The following POLR2G variants were observed in gnomAD, a reference collection of about 807,000 sequenced individuals.
The protein encoded by POLR2G is RNA polymerase II subunit G.
In POLR2G, 19 loss-of-function variants were observed where a neutral mutation model predicts 25.7. The ratio of observed to expected loss-of-function variants is 0.74; its 90% confidence interval spans 0.52 to 1.08. POLR2G has a LOEUF of 1.08. POLR2G is among the 50% of genes least tolerant of loss of function. POLR2G has a pLI of 0.00. For missense variants in POLR2G, 123 were observed against 218.5 expected, an observed-to-expected ratio of 0.56 and a Z score of 2.76; for synonymous variants, 79 against 76.0, an observed-to-expected ratio of 1.04 and a Z score of -0.21.
chr11:62,765,867 A>C (rs1341486444), intron 6 of POLR2G, 143 bp downstream of exon 6: 2 of 619,358 alleles, frequency 3.2e-6, no homozygotes, highest in Non-Finnish European at 5.7e-6. Flanking sequence ...GGCTCACTGC[A>C]AGCTCTGCCT....
At chr11:62,763,772 C>G (rs1010195518) in intron 3 of POLR2G, among the ~76,000 whole-genome samples, 6 of 146,566 alleles carry the variant, frequency 4.1e-5, no homozygotes, top group Non-Finnish European at 9.0e-5. Context: ...GAGACGGAGT[C>G]TAGCTCTGTT....
intron 3 of POLR2G, among the ~76,000 whole-genome samples, chr11:62,764,296 A>G (rs1565182931): frequency 6.6e-6 from 1 of 151,780 alleles, no homozygotes; most frequent in Non-Finnish European, 1.5e-5. Flanking sequence ...CCCCATCTCT[A>G]CTAAAAATAC....
intron 5 of POLR2G, 39 bp downstream of exon 5, chr11:62,765,444 A>G (rs761650930): frequency 1.3e-6 from 2 of 1,533,772 alleles, no homozygotes; most frequent in Non-Finnish European, 1.8e-6. Context: ...CAAGGAGAGA[A>G]TCAGCCATCC....
At chr11:62,764,369 G>A (rs1485561061) in intron 3 of POLR2G, among the ~76,000 whole-genome samples, 1 of 152,136 alleles carries the variant, frequency 6.6e-6, no homozygotes, top group African/African-American at 2.4e-5. Flanking sequence ...GCTGAGGCAT[G>A]AGAATCACTT....
At chr11:62,761,727 G>A (rs2084089795) in intron 1 of POLR2G, 67 bp downstream of exon 1, 3 of 1,607,444 alleles carry the variant, frequency 1.9e-6, no homozygotes, top group Admixed American at 1.7e-5. Flanking sequence ...GCGCCGGCGC[G>A]AGACTCCCCT....
intron 3 of POLR2G, among the ~76,000 whole-genome samples, chr11:62,763,559 G>T (rs1009534044): frequency 6.6e-6 from 1 of 152,136 alleles, no homozygotes; most frequent in African/African-American, 2.4e-5. Flanking sequence ...CTCCCAAAGT[G>T]CTGGGATTGC....
chr11:62,763,196 G>A (rs1412879168), intron 3 of POLR2G, among the ~76,000 whole-genome samples, 170 bp downstream of exon 3: 3 of 148,758 alleles, frequency 2.0e-5, no homozygotes, highest in African/African-American at 5.0e-5. Flanking sequence ...GCAGTGGTGC[G>A]ATCTTGGCCA....
In POLR2G at chr11:62,766,501, A is replaced by T; in HGVS notation, c.513A>T (p.Val171=). The change falls in exon 8 of 8, where the codon GTA becomes GTT. Residue 171 remains valine (V), a synonymous_variant. Coordinates refer to ENST00000301788, the MANE Select transcript of POLR2G (RefSeq NM_002696.3). ...CTTTTTCTGGTTTCGCAGGGCTTGT[A>T]AGCTGAGCCTGGTGGCCTCCTACCC... ...GSLMDDYLGL[V]S 1 of 1,613,786 alleles carries T rather than the reference A, an allele frequency of 6.2e-7. No individual in the cohort carries two copies. Among genetic ancestry groups the T allele is most frequent in the Non-Finnish European group, 8.5e-7 (1 of 1,179,824 alleles).
rs1291893373 is a variant in POLR2G, at chr11:62,762,891, C to A, written c.147C>A (p.Thr49=). Residue 49 remains threonine (T), a synonymous_variant, in exon 3 of 8, where the codon ACC becomes ACA. Coordinates refer to ENST00000301788, the MANE Select transcript of POLR2G (RefSeq NM_002696.3). ...TGKYGFVIAV[T]TIDNIGAGVI... ...GGTATGGCTTTGTAATTGCTGTCAC[C>A]ACCATTGACAATATTGGTGCTGGTG... 6.3e-7 allele frequency: 1 copy of A among 1,599,410 alleles called. No individual in the cohort carries two copies. Among genetic ancestry groups the A allele is most frequent in the Non-Finnish European group, 8.6e-7 (1 of 1,168,894 alleles).
chr11:62,765,412 G>T lies in POLR2G; in HGVS notation c.399+7G>T. On this transcript the variant is annotated splice_region_variant and intron_variant, in intron 5 of 7. Coordinates refer to ENST00000301788, the MANE Select transcript of POLR2G (RefSeq NM_002696.3). Reference sequence around the variant, plus strand: ...TTACAAGACAATGGATGAGGTGAGTGGACAGAAAGAAGTCAGGGAGACAAG... The same window carrying T: ...TTACAAGACAATGGATGAGGTGAGTTGACAGAAAGAAGTCAGGGAGACAAG... The T allele has an allele frequency of 1.2e-6, 2 of 1,607,800 alleles. No homozygotes were observed. Among genetic ancestry groups the T allele is most frequent in the South Asian group, 2.2e-5 (2 of 90,968 alleles).
chr11:62,761,615 G>T lies in POLR2G; in HGVS notation c.-34G>T. 6.3e-7 allele frequency: 1 copy of T among 1,599,330 alleles called. No homozygotes were observed. Among genetic ancestry groups the T allele is most frequent in the Non-Finnish European group, 8.5e-7 (1 of 1,172,554 alleles). On this transcript the variant is annotated 5_prime_UTR_variant, in exon 1 of 8. Coordinates refer to ENST00000301788, the MANE Select transcript of POLR2G (RefSeq NM_002696.3). ...GGTGGATTCCCAGGGACTGTCGGAG[G>T]TGTGGACTCTGCCTGCCTACCTGGT...
chr11:62,761,621 A>T lies in POLR2G; in HGVS notation c.-28A>T. On this transcript the variant is annotated 5_prime_UTR_variant, in exon 1 of 8. Coordinates refer to ENST00000301788, the MANE Select transcript of POLR2G (RefSeq NM_002696.3). ...TTCCCAGGGACTGTCGGAGGTGTGG[A>T]CTCTGCCTGCCTACCTGGTCTGGGA... 1 of 1,602,530 alleles carries T rather than the reference A, an allele frequency of 6.2e-7. No homozygotes were observed. The highest frequency in any genetic ancestry group is 8.5e-7 in the Non-Finnish European group (1 of 1,174,112).
In POLR2G at chr11:62,761,630, G is replaced by T. The variant is rs1472271714; in HGVS notation, c.-19G>T. On this transcript the variant is annotated 5_prime_UTR_variant, in exon 1 of 8. Coordinates refer to ENST00000301788, the MANE Select transcript of POLR2G (RefSeq NM_002696.3). Reference sequence around the variant, plus strand: ...ACTGTCGGAGGTGTGGACTCTGCCTGCCTACCTGGTCTGGGAAGATGTTCT... The same window carrying T: ...ACTGTCGGAGGTGTGGACTCTGCCTTCCTACCTGGTCTGGGAAGATGTTCT... 2 of 1,607,272 alleles carry T rather than the reference G, an allele frequency of 1.2e-6. No individual in the cohort carries two copies. Among genetic ancestry groups the T allele is most frequent in the Admixed American group, 1.7e-5 (1 of 58,920 alleles).
intron 1 of POLR2G, 64 bp downstream of exon 1, chr11:62,761,724 C>T: frequency 1.2e-6 from 2 of 1,606,652 alleles, no homozygotes; most frequent in Non-Finnish European, 8.5e-7. Context: ...CAGGCGCCGG[C>T]GCGAGACTCC....
chr11:62,765,520 C>A (rs2084111199), intron 5 of POLR2G, 115 bp downstream of exon 5: 2 of 1,112,620 alleles, frequency 1.8e-6, no homozygotes, highest in Non-Finnish European at 2.8e-6. Flanking sequence ...TGGCTTGATT[C>A]ATGATTTTAT....
chr11:62,766,490 G>A lies in POLR2G; in HGVS notation c.506-4G>A, dbSNP rs372071821. The stretch of plus-strand genomic sequence containing the variant: ...TAACTGATATGCTTTTTCTGGTTTC[G>A]CAGGGCTTGTAAGCTGAGCCTGGTG... On this transcript the variant is annotated splice_polypyrimidine_tract_variant and splice_region_variant and intron_variant, in intron 7 of 7. Transcript: ENST00000301788. The A allele has an allele frequency of 2.9e-5, 46 of 1,613,680 alleles. No homozygotes were observed. Among genetic ancestry groups the A allele is most frequent in the African/African-American group, 6.7e-5 (5 of 74,878 alleles).
intron 5 of POLR2G, 37 bp downstream of exon 5, chr11:62,765,442 GA>G: frequency 6.5e-7 from 1 of 1,538,790 alleles, no homozygotes; most frequent in Non-Finnish European, 9.0e-7. Context: ...GACAAGGAGA[GA>G]ATCAGCCATC....
At chr11:62,764,032 G>C (rs962131998) in intron 3 of POLR2G, among the ~76,000 whole-genome samples, 1 of 146,888 alleles carries the variant, frequency 6.8e-6, no homozygotes, top group Non-Finnish European at 1.5e-5. Flanking sequence ...GTGAGCCACC[G>C]TGCCCGGCCA....
At chr11:62,762,643 C>G (rs1005437417) in intron 2 of POLR2G, 2 of 621,690 alleles carry the variant, frequency 3.2e-6, no homozygotes, top group Non-Finnish European at 6.1e-6. Flanking sequence ...CTCCAGCCTT[C>G]TTGGACATTT....
Sources: allele counts gnomAD v4.1 joint callset (sites outside exome capture counted in the v4.1 genomes callset), GRCh38; gene constraint gnomAD v4.1.1; transcripts MANE v1.5; gene names NCBI Gene and HGNC (gene_info 2026-07-23, HGNC 2026-07-21).